Variants in GPC5 observed in about 807,000 individuals in gnomAD.
GPC5 encodes the protein glypican 5.
Under a neutral mutation model 53.9 loss-of-function variants are expected in GPC5, and 47 were observed. That is an observed-to-expected ratio of 0.87 (90% CI 0.69 to 1.11). The LOEUF is 1.11. GPC5 is among the 50% of genes most tolerant of loss of function. The pLI, the probability that GPC5 is intolerant of heterozygous loss-of-function variation, is 0.00. For missense variants in GPC5, 748 were observed against 713.1 expected (o/e 1.05, Z -0.56); for synonymous variants, 286 against 263.3 (o/e 1.09, Z -0.84).
chr13:91,845,579 TG>T (rs2138880216), intron 5 of GPC5, among the ~76,000 whole-genome samples: 1 of 152,310 alleles, frequency 6.6e-6, no homozygotes, highest in South Asian at 2.1e-4. Flanking sequence ...TTAACTTTCA[TG>T]AGTAAATATA....
chr13:91,934,131 GC>G (rs553583557), intron 6 of GPC5, among the ~76,000 whole-genome samples: 2 of 151,852 alleles, frequency 1.3e-5, no homozygotes, highest in Non-Finnish European at 2.9e-5. Context: ...TTATGAAGTG[GC>G]TATAAAACTT....
At chr13:91,902,508 G>T (rs897566104) in intron 5 of GPC5, among the ~76,000 whole-genome samples, 2 of 151,940 alleles carry the variant, frequency 1.3e-5, no homozygotes, top group African/African-American at 4.8e-5. Flanking sequence ...TTAGAAGAAA[G>T]AAGCACAGAT....
intron 2 of GPC5, among the ~76,000 whole-genome samples, chr13:91,555,629 A>AT (rs2030901752): frequency 6.6e-6 from 1 of 152,014 alleles, no homozygotes. Flanking sequence ...CAGCTGTATT[A>AT]GTCTGTACTC....
At chr13:92,857,245 T>C (rs956208190) in intron 7 of GPC5, among the ~76,000 whole-genome samples, 2 of 152,140 alleles carry the variant, frequency 1.3e-5, no homozygotes, top group African/African-American at 4.8e-5. Context: ...TAAATGGTAC[T>C]GGGAAAACTG....
intron 2 of GPC5, among the ~76,000 whole-genome samples, chr13:91,614,129 A>G (rs2033633306): frequency 6.6e-6 from 1 of 152,226 alleles, no homozygotes; most frequent in African/African-American, 2.4e-5. Context: ...AAACAGAGCC[A>G]GTTTACAGAG....
chr13:91,470,448 T>C (rs894554884), intron 2 of GPC5, among the ~76,000 whole-genome samples: 3 of 152,128 alleles, frequency 2.0e-5, no homozygotes, highest in Non-Finnish European at 2.9e-5. Flanking sequence ...AAATTGGAAG[T>C]GGGAAGCGAG....
chr13:91,701,891 G>A (rs1444155449), intron 3 of GPC5, among the ~76,000 whole-genome samples: 2 of 152,006 alleles, frequency 1.3e-5, no homozygotes, highest in Admixed American at 6.6e-5. Context: ...CATAACACCT[G>A]TACAAAGTAA....
intron 7 of GPC5, among the ~76,000 whole-genome samples, chr13:92,471,536 G>T (rs1446295836): frequency 8.0e-6 from 1 of 124,924 alleles, no homozygotes; most frequent in Non-Finnish European, 1.6e-5. Flanking sequence ...AATAAGGAAC[G>T]TACATCTGGC....
chr13:92,559,923 T>C (rs1409356689), intron 7 of GPC5, among the ~76,000 whole-genome samples: 1 of 151,122 alleles, frequency 6.6e-6, no homozygotes, highest in African/African-American at 2.4e-5. Context: ...CTGTCCCCTC[T>C]CTTCAGGCAC....
intron 2 of GPC5, among the ~76,000 whole-genome samples, chr13:91,653,704 T>A (rs2034776225): frequency 6.6e-6 from 1 of 152,138 alleles, no homozygotes; most frequent in African/African-American, 2.4e-5. Flanking sequence ...CCTCTTTGTC[T>A]AGTAGTTCCA....
At chr13:91,928,407 T>A (rs2139027823) in intron 6 of GPC5, among the ~76,000 whole-genome samples, 1 of 152,300 alleles carries the variant, frequency 6.6e-6, no homozygotes, top group South Asian at 2.1e-4. Flanking sequence ...AGAGAGAATG[T>A]TGTGAGTTTA....
Position 91,814,525 on chromosome 13 carries a change from CTTTA to C in GPC5, c.1280+58133_1280+58136del, listed in dbSNP as rs140584837. On this transcript the variant is annotated intron_variant, in intron 5 of 7. Coordinates refer to ENST00000377067, the MANE Select transcript of GPC5 (RefSeq NM_004466.6). ...GTTTTTGATCATATGTATTCTGCAA[CTTTA>C]TTTATTTATTTATTTATTTATTTAT... Among the ~76,000 whole-genome samples, 23 of 151,070 alleles carry C rather than the reference CTTTA, an allele frequency of 1.5e-4. 1 individual carries two copies. Among genetic ancestry groups the C allele is most frequent in the African/African-American group, 3.6e-4 (15 of 41,270 alleles).
chr13:92,141,542 CTT>C (rs983378843), intron 6 of GPC5, among the ~76,000 whole-genome samples: 4 of 152,140 alleles, frequency 2.6e-5, no homozygotes, highest in African/African-American at 9.7e-5. Context: ...GAATCAAAAG[CTT>C]TCAAACACAA....
chr13:91,642,730 A>C (rs1163436160), intron 2 of GPC5, among the ~76,000 whole-genome samples: 1 of 139,004 alleles, frequency 7.2e-6, no homozygotes, highest in Non-Finnish European at 1.6e-5. Flanking sequence ...TTTTTTTTTA[A>C]GTAAATGAGG....
At chr13:91,466,282 G>GGA (rs1282924561) in intron 2 of GPC5, among the ~76,000 whole-genome samples, 1 of 152,152 alleles carries the variant, frequency 6.6e-6, no homozygotes, top group African/African-American at 2.4e-5. Flanking sequence ...CTGCCACCCA[G>GGA]GAGTGCGCTG....
At chr13:91,613,810 A>G (rs866340180) in intron 2 of GPC5, among the ~76,000 whole-genome samples, 5 of 152,212 alleles carry the variant, frequency 3.3e-5, no homozygotes, top group Non-Finnish European at 5.9e-5. Flanking sequence ...CACCATATTC[A>G]TGGTTACTGA....
chr13:91,797,383 A>G (rs1366086306), intron 5 of GPC5, among the ~76,000 whole-genome samples: 2 of 152,156 alleles, frequency 1.3e-5, no homozygotes, highest in African/African-American at 4.8e-5. Flanking sequence ...CAAAGAAAAA[A>G]ATTTTAAAAA....
intron 7 of GPC5, among the ~76,000 whole-genome samples, chr13:92,354,357 A>C (rs1019053047): frequency 1.5e-4 from 23 of 152,360 alleles, no homozygotes; most frequent in Admixed American, 1.2e-3. Context: ...AGTTGAAAGC[A>C]TGTTACCACA....
chr13:91,435,648 C>T (rs537444416), intron 1 of GPC5, among the ~76,000 whole-genome samples: 35 of 152,268 alleles, frequency 2.3e-4, no homozygotes, highest in African/African-American at 8.4e-4. Context: ...CTAAAATTCT[C>T]TTTTATTGTT....
Sources: allele counts gnomAD v4.1 joint callset (sites outside exome capture counted in the v4.1 genomes callset), GRCh38; gene constraint gnomAD v4.1.1; transcripts MANE v1.5; gene names NCBI Gene and HGNC (gene_info 2026-07-23, HGNC 2026-07-21).